Variants in GRM8 observed in about 807,000 individuals in gnomAD.
GRM8 encodes glutamate metabotropic receptor 8.
GRM8 carries 47 observed loss-of-function variants against 87.2 expected under a neutral mutation model. That is an observed-to-expected ratio of 0.54 (90% CI 0.43 to 0.69). The LOEUF is 0.69. GRM8 is among the 30% of genes least tolerant of loss of function. The pLI, the probability that GRM8 is intolerant of heterozygous loss-of-function variation, is 0.00. For synonymous variants in GRM8, 396 were observed against 404.5 expected, an observed-to-expected ratio of 0.98 and a Z score of 0.25; for missense variants, 1,019 against 1,139.2, an observed-to-expected ratio of 0.89 and a Z score of 1.52.
chr7:127,041,917 T>C (rs924599017), intron 3 of GRM8, among the ~76,000 whole-genome samples: 5 of 152,126 alleles, frequency 3.3e-5, no homozygotes, highest in African/African-American at 1.2e-4. Context: ...GGAGCTCTGA[T>C]TGGTTGAGCT....
At position 126,685,931 on chromosome 7, in the gene GRM8, C is replaced by T. The variant is rs1808134498; in HGVS notation, c.1358-76433G>A. The stretch of plus-strand genomic sequence containing the variant: ...AACTCGTAGCGCTTTTCCCTGGGCC[C>T]TCGTGGGTGCCCATGGACTGATCAA... On this transcript the variant is annotated intron_variant, in intron 7 of 10. Coordinates refer to ENST00000339582, the MANE Select transcript of GRM8 (RefSeq NM_000845.3). This position sits in a 1 kb window ranked among gnomAD's most constrained non-coding sequence, Gnocchi z 4.2. Among the ~76,000 whole-genome samples the T allele has an allele frequency of 6.6e-6, 1 of 151,878 alleles. No individual in the cohort carries two copies. The highest frequency in any genetic ancestry group is 1.5e-5 in the Non-Finnish European group (1 of 67,950).
At chr7:126,645,807 C>T (rs78311275) in intron 7 of GRM8, among the ~76,000 whole-genome samples, 175 of 152,296 alleles carry the variant, frequency 1.1e-3, no homozygotes, top group Non-Finnish European at 2.0e-3. Flanking sequence ...GATTTCTTAG[C>T]CATCTGGCTC....
intron 3 of GRM8, among the ~76,000 whole-genome samples, chr7:126,985,873 A>T (rs968638099): frequency 1.3e-5 from 2 of 152,238 alleles, no homozygotes; most frequent in African/African-American, 2.4e-5. Flanking sequence ...AAGTTTCAAC[A>T]TAAGTTTTGG....
At chr7:127,181,646 G>A (rs1231241897) in intron 2 of GRM8, among the ~76,000 whole-genome samples, 3 of 151,786 alleles carry the variant, frequency 2.0e-5, no homozygotes, top group African/African-American at 4.8e-5. Context: ...ATAAAAATAG[G>A]CACATAGACC....
intron 7 of GRM8, among the ~76,000 whole-genome samples, chr7:126,711,737 T>C (rs1563114259): frequency 6.6e-6 from 1 of 152,262 alleles, no homozygotes; most frequent in Non-Finnish European, 1.5e-5. Flanking sequence ...TTGGGATAAC[T>C]TGCTGAAGCT....
chr7:126,655,471 T>TTCTCTCTC (rs150555462), intron 7 of GRM8, among the ~76,000 whole-genome samples: 19 of 150,522 alleles, frequency 1.3e-4, no homozygotes, highest in South Asian at 2.1e-4. Context: ...ATTATGGTCT[T>TTCTCTCTC]TCTCTCTCTC....
At chr7:126,655,142 T>C (rs1461181697) in intron 7 of GRM8, among the ~76,000 whole-genome samples, 2 of 152,206 alleles carry the variant, frequency 1.3e-5, no homozygotes, top group African/African-American at 4.8e-5. Flanking sequence ...AAAGGTGCTT[T>C]TCATAACTTT....
At chr7:127,189,804 G>A (rs760555710) in intron 2 of GRM8, among the ~76,000 whole-genome samples, 1 of 152,116 alleles carries the variant, frequency 6.6e-6, no homozygotes, top group Non-Finnish European at 1.5e-5. Flanking sequence ...ATACTGTTAG[G>A]AGAACCTTTT....
intron 2 of GRM8, among the ~76,000 whole-genome samples, chr7:127,109,768 C>T (rs866838671): frequency 6.6e-6 from 1 of 152,094 alleles, no homozygotes; most frequent in African/African-American, 2.4e-5. Flanking sequence ...TGTTTGAGGG[C>T]AATTAATTAA....
At chr7:126,827,705 C>A (rs1161944284) in intron 6 of GRM8, among the ~76,000 whole-genome samples, 1 of 152,146 alleles carries the variant, frequency 6.6e-6, no homozygotes, top group East Asian at 1.9e-4. Flanking sequence ...CCCTTTATTT[C>A]CTTCTCATGC....
intron 2 of GRM8, among the ~76,000 whole-genome samples, chr7:127,232,016 C>T (rs909731056): frequency 6.6e-6 from 1 of 151,838 alleles, no homozygotes; most frequent in African/African-American, 2.4e-5. Flanking sequence ...TGACTCTTAC[C>T]ACCCAACACA....
At chr7:127,115,869 C>A (rs952827728) in intron 2 of GRM8, among the ~76,000 whole-genome samples, 3 of 152,162 alleles carry the variant, frequency 2.0e-5, no homozygotes, top group Non-Finnish European at 4.4e-5. Flanking sequence ...GTAATCACAG[C>A]CTTTTGAGAG....
At chr7:126,697,685 A>G (rs999397074) in intron 7 of GRM8, among the ~76,000 whole-genome samples, 3 of 152,156 alleles carry the variant, frequency 2.0e-5, no homozygotes, top group Admixed American at 6.5e-5. Flanking sequence ...TAAGGAAATT[A>G]GTATGCAATA....
Position 126,439,126 on chromosome 7 carries a change from G to T in GRM8, c.2720C>A (p.Ser907Ter), listed in dbSNP as rs1385658725. The T allele has an allele frequency of 6.4e-7, 1 of 1,570,970 alleles. No homozygotes were observed. The highest frequency in any genetic ancestry group is 8.8e-7 in the Non-Finnish European group (1 of 1,141,116). Residue 907 changes from serine to a stop codon, truncating the protein, a stop_gained, in exon 11 of 11, where the codon TCA (serine) becomes TAA (stop). Transcript: ENST00000339582. LOFTEE classifies it high-confidence loss of function. ...TTGTGCCATTTCCCTGTTTCAGATTGAATGATTGCTGTAACTGATATATGT... is the reference window on the plus strand; with the variant it reads ...TTGTGCCATTTCCCTGTTTCAGATTTAATGATTGCTGTAACTGATATATGT... ...KTTYISYSNH[S>*]I is the part of the protein sequence containing the mutation.
chr7:127,123,723 C>A (rs890612120), intron 2 of GRM8, among the ~76,000 whole-genome samples: 1 of 152,116 alleles, frequency 6.6e-6, no homozygotes, highest in Non-Finnish European at 1.5e-5. Flanking sequence ...ACCAAATTTT[C>A]TTCAAAAATT....
intron 3 of GRM8, among the ~76,000 whole-genome samples, chr7:127,005,262 C>G (rs1814171469): frequency 6.6e-6 from 1 of 151,086 alleles, no homozygotes; most frequent in Admixed American, 6.6e-5. Flanking sequence ...TGAGAAACAA[C>G]TTGATGTGCC....
chr7:126,547,475 TATC>T (rs1183595084), intron 8 of GRM8, among the ~76,000 whole-genome samples: 2 of 151,838 alleles, frequency 1.3e-5, no homozygotes, highest in East Asian at 1.9e-4. Flanking sequence ...TCTGATACAT[TATC>T]ATTCATTATT....
At chr7:127,190,151 T>C (rs1488397361) in intron 2 of GRM8, among the ~76,000 whole-genome samples, 1 of 152,168 alleles carries the variant, frequency 6.6e-6, no homozygotes, top group South Asian at 2.1e-4. Flanking sequence ...TCTCATCCTC[T>C]AGAGCAGGCT....
chr7:126,802,996 T>G (rs1186730471), intron 6 of GRM8, among the ~76,000 whole-genome samples: 1 of 152,132 alleles, frequency 6.6e-6, no homozygotes, highest in Non-Finnish European at 1.5e-5. Context: ...TTAGCAGGAT[T>G]TACTGACCTT....
Sources: gnomAD v4.1 joint callset for allele counts (sites outside exome capture counted in the v4.1 genomes callset) on GRCh38, gnomAD v4.1.1 for gene constraint, Gnocchi (gnomAD v3.1) non-coding constraint, MANE v1.5 for transcripts, NCBI Gene and HGNC (gene_info 2026-07-23, HGNC 2026-07-21) for gene names.